The following NFATC2 variants were observed in gnomAD, a reference collection of about 807,000 sequenced individuals.
NFATC2 encodes nuclear factor of activated T cells 2.
NFATC2 carries 22 observed loss-of-function variants against 87.3 expected under a neutral mutation model. That is an observed-to-expected ratio of 0.25 (90% CI 0.18 to 0.36). The LOEUF is 0.36. NFATC2 is among the 10% of genes least tolerant of loss of function. The pLI, the probability that NFATC2 is intolerant of heterozygous loss-of-function variation, is 1.00. For missense variants in NFATC2, 1,149 were observed against 1,259.1 expected (o/e 0.91, Z 1.32); for synonymous variants, 565 against 542.2 (o/e 1.04, Z -0.58).
chr20:51,457,785 T>G (rs1192626737), intron 5 of NFATC2, among the ~76,000 whole-genome samples: 1 of 152,058 alleles, frequency 6.6e-6, no homozygotes, highest in Non-Finnish European at 1.5e-5. Context: ...GGAGCCCATG[T>G]GATTCTTGCG....
chr20:51,524,238 C>A lies in NFATC2; in HGVS notation c.131-128G>T. ...TTCAAATTCCCACCATGCCAAACCC[C>A]AAGCTAGAAGCTCCGTCCCTCACCA... is the stretch of plus-strand genomic sequence containing the variant. On this transcript the variant is annotated intron_variant, in intron 1 of 10. Transcript: ENST00000371564. The surrounding 1 kb of genome is among the most constrained non-coding windows in gnomAD (Gnocchi z 4.0). 1.2e-6 allele frequency: 1 copy of A among 859,310 alleles called. No homozygotes were observed. Among genetic ancestry groups the A allele is most frequent in the Non-Finnish European group, 1.6e-6 (1 of 628,144 alleles). The allele number at this position is 859,310 out of a possible 1,614,324, so 53.2% of individuals were successfully genotyped here.
At chr20:51,481,710 G>A (rs1285888522) in intron 3 of NFATC2, among the ~76,000 whole-genome samples, 1 of 151,998 alleles carries the variant, frequency 6.6e-6, no homozygotes, top group Non-Finnish European at 1.5e-5. Context: ...AGGCTTGGGG[G>A]CATCATTCTA....
At chr20:51,499,989 GC>G (rs1373426658) in intron 3 of NFATC2, among the ~76,000 whole-genome samples, 2 of 152,048 alleles carry the variant, frequency 1.3e-5, no homozygotes, top group East Asian at 3.9e-4. Flanking sequence ...CTGAGTCGTG[GC>G]TCTGCCAATT....
chr20:51,457,131 A>G (rs1186227440), intron 5 of NFATC2, among the ~76,000 whole-genome samples: 1 of 152,216 alleles, frequency 6.6e-6, no homozygotes, highest in East Asian at 1.9e-4. Context: ...CCTTTCTTTC[A>G]ATATCAAAGT....
chr20:51,416,235 CTGAG>C (rs1262507533), intron 9 of NFATC2, among the ~76,000 whole-genome samples: 1 of 152,058 alleles, frequency 6.6e-6, no homozygotes, highest in African/African-American at 2.4e-5. Context: ...GCACTCCAGT[CTGAG>C]AGAGAGAGAG....
rs551577406 is a variant in NFATC2, at chr20:51,472,159, G to A, written c.1708+1821C>T. Among the ~76,000 whole-genome samples, 5 of 152,302 alleles carry A rather than the reference G, an allele frequency of 3.3e-5. No individual in the cohort carries two copies. The South Asian group carries it at 1.0e-3, about 32-fold the overall frequency. On this transcript the variant is annotated intron_variant, in intron 5 of 10. Coordinates refer to ENST00000371564, the MANE Select transcript of NFATC2 (RefSeq NM_012340.5). Reference sequence around the variant, plus strand: ...AATCCCAGTTACTTGGAGGGCTGAGGCAGGAGAATCACTTGAACCCGGGAG... The same window carrying A: ...AATCCCAGTTACTTGGAGGGCTGAGACAGGAGAATCACTTGAACCCGGGAG...
intron 3 of NFATC2, among the ~76,000 whole-genome samples, chr20:51,485,428 C>A (rs960740994): frequency 6.6e-6 from 1 of 152,250 alleles, no homozygotes; most frequent in African/African-American, 2.4e-5. Context: ...TCCCTACCAA[C>A]ATTCCCGTCC....
At chr20:51,462,280 CAAAA>C (rs56939528) in intron 5 of NFATC2, among the ~76,000 whole-genome samples, 7 of 128,684 alleles carry the variant, frequency 5.4e-5, no homozygotes, top group African/African-American at 3.0e-5. Flanking sequence ...GCTAATAATA[CAAAA>C]AAAAAAAAAA....
At position 51,542,425 on chromosome 20, in the gene NFATC2, T is replaced by C. The variant is rs1258777309; in HGVS notation, c.75A>G (p.Gln25=). The change falls in exon 1 of 11, where the codon CAA becomes CAG. Residue 25 remains glutamine (Q), a synonymous_variant. Transcript: ENST00000371564. ...APGHEPGGSP[Q]DELDFSILFD... ...AGAGGATGGAGAAGTCAAGCTCGTC[T>C]TGGGGGCTGCCCCCAGGCTCGTGGC... 3 of 1,602,780 alleles carry C rather than the reference T, an allele frequency of 1.9e-6. No homozygotes were observed. The highest frequency in any genetic ancestry group is 2.6e-6 in the Non-Finnish European group (3 of 1,175,012).
chr20:51,532,613 CT>C (rs1285878919), intron 1 of NFATC2, among the ~76,000 whole-genome samples: 1 of 152,262 alleles, frequency 6.6e-6, no homozygotes, highest in Non-Finnish European at 1.5e-5. Context: ...CCTGGAAGCT[CT>C]GTGAGCCTGT....
At chr20:51,553,734 G>A (rs921656098) in intron 1 of NFATC2, among the ~76,000 whole-genome samples, 3 of 149,672 alleles carry the variant, frequency 2.0e-5, no homozygotes, top group East Asian at 2.0e-4. Flanking sequence ...CCCCTTAAAC[G>A]ACGGTCCTTG....
chr20:51,402,833 G>A (rs1988190775), intron 9 of NFATC2, among the ~76,000 whole-genome samples: 1 of 152,132 alleles, frequency 6.6e-6, no homozygotes. Flanking sequence ...CCCTCTTCTG[G>A]GAGAAGGGGC....
intron 6 of NFATC2, among the ~76,000 whole-genome samples, chr20:51,441,054 G>A (rs911036458): frequency 4.6e-5 from 7 of 151,558 alleles, no homozygotes; most frequent in African/African-American, 9.7e-5. Flanking sequence ...AGGCCGAGGC[G>A]AGTGGATCAC....
intron 3 of NFATC2, among the ~76,000 whole-genome samples, chr20:51,503,385 T>C (rs1568697870): frequency 6.6e-6 from 1 of 152,216 alleles, no homozygotes; most frequent in Non-Finnish European, 1.5e-5. Flanking sequence ...TTCGGCAAAT[T>C]GAAGCCCCAG....
intron 3 of NFATC2, among the ~76,000 whole-genome samples, chr20:51,487,827 A>G (rs2146567981): frequency 6.6e-6 from 1 of 151,282 alleles, no homozygotes; most frequent in Non-Finnish European, 1.5e-5. Context: ...AAAAAGGAGA[A>G]GGCAGACGTG....
At chr20:51,441,789 G>T (rs552317948) in intron 6 of NFATC2, among the ~76,000 whole-genome samples, 2 of 151,666 alleles carry the variant, frequency 1.3e-5, no homozygotes, top group African/African-American at 4.8e-5. Context: ...AAAATAGACA[G>T]TGTATGTGAA....
chr20:51,551,913 GC>G, intron 1 of NFATC2, among the ~76,000 whole-genome samples: 1 of 152,128 alleles, frequency 6.6e-6, no homozygotes, highest in Middle Eastern at 3.4e-3. Flanking sequence ...TGTAGTCCCA[GC>G]TACTCGGGAG....
intron 1 of NFATC2, among the ~76,000 whole-genome samples, chr20:51,559,412 G>T (rs1315159039): frequency 6.6e-6 from 1 of 152,150 alleles, no homozygotes; most frequent in Non-Finnish European, 1.5e-5. Flanking sequence ...CCAGGCTCTG[G>T]TCCCACCTCG....
intron 5 of NFATC2, among the ~76,000 whole-genome samples, chr20:51,463,035 C>T (rs1173555584): frequency 6.6e-6 from 1 of 152,254 alleles, no homozygotes; most frequent in African/African-American, 2.4e-5. Context: ...CCTTGGCGCT[C>T]CAGCTGCTGT....
Sources: gnomAD v4.1 joint callset for allele counts (sites outside exome capture counted in the v4.1 genomes callset) on GRCh38, gnomAD v4.1.1 for gene constraint, Gnocchi (gnomAD v3.1) non-coding constraint, MANE v1.5 for transcripts, NCBI Gene and HGNC (gene_info 2026-07-23, HGNC 2026-07-21) for gene names.